Variants in NKAIN2 observed in about 807,000 individuals in gnomAD.
NKAIN2 encodes sodium/potassium transporting ATPase interacting 2.
In NKAIN2, 14 loss-of-function variants were observed where a neutral mutation model predicts 32.6. That is an observed-to-expected ratio of 0.43 (90% CI 0.28 to 0.67). The LOEUF (loss-of-function observed/expected upper bound fraction) is 0.67. Among genes scored for constraint, NKAIN2 ranks in the 30% least tolerant of loss-of-function variants. The pLI is 0.17. For synonymous variants in NKAIN2, 80 were observed against 87.2 expected (o/e 0.92, Z 0.46); for missense variants, 198 against 258.3 (o/e 0.77, Z 1.60).
intron 1 of NKAIN2, among the ~76,000 whole-genome samples, chr6:123,859,179 A>T (rs1303600148): frequency 6.6e-6 from 1 of 152,246 alleles, no homozygotes; most frequent in Non-Finnish European, 1.5e-5. Context: ...AATCACAAAT[A>T]GAAGCTATTC....
At chr6:123,894,329 G>A (rs1774169292) in intron 1 of NKAIN2, among the ~76,000 whole-genome samples, 1 of 152,098 alleles carries the variant, frequency 6.6e-6, no homozygotes, top group Admixed American at 6.5e-5. Context: ...TCAGATCCTA[G>A]CCTTCTGAAT....
At chr6:124,482,075 CA>C (rs1262221240) in intron 3 of NKAIN2, among the ~76,000 whole-genome samples, 1 of 152,072 alleles carries the variant, frequency 6.6e-6, no homozygotes. Flanking sequence ...TTTAAACCCT[CA>C]AAAATTTATC....
chr6:123,958,778 C>T (rs1320769059), intron 1 of NKAIN2, among the ~76,000 whole-genome samples: 1 of 152,218 alleles, frequency 6.6e-6, no homozygotes, highest in African/African-American at 2.4e-5. Flanking sequence ...ATCGCTACGT[C>T]AACCTCAGAG....
intron 1 of NKAIN2, among the ~76,000 whole-genome samples, chr6:123,902,535 A>T (rs1299310411): frequency 3.3e-5 from 5 of 152,144 alleles, no homozygotes; most frequent in Non-Finnish European, 7.4e-5. Flanking sequence ...TAATATTGTT[A>T]TTGAAACACC....
chr6:124,063,323 A>G (rs1783009203), intron 1 of NKAIN2, among the ~76,000 whole-genome samples: 1 of 152,200 alleles, frequency 6.6e-6, no homozygotes, highest in South Asian at 2.1e-4. Flanking sequence ...AGTAGTAATC[A>G]AAGTACTATG....
chr6:123,819,091 G>GAGAAGAGGAAAGTGGGTTAACTC (rs1562198432), intron 1 of NKAIN2, among the ~76,000 whole-genome samples: 3 of 152,160 alleles, frequency 2.0e-5, no homozygotes, highest in Non-Finnish European at 4.4e-5. Flanking sequence ...GGCTATATGT[G>GAGAAGAGGAAAGTGGGTTAACTC]AGAAGAGGAA....
At chr6:124,454,022 C>T (rs995506853) in intron 3 of NKAIN2, among the ~76,000 whole-genome samples, 3 of 148,668 alleles carry the variant, frequency 2.0e-5, no homozygotes, top group African/African-American at 7.5e-5. Flanking sequence ...AGCTATGACA[C>T]AGATTGTTCC....
rs1366926631 is a variant in NKAIN2, at chr6:124,574,326, A to T, written c.274-83860A>T. 2.0e-5 allele frequency among the ~76,000 whole-genome samples: 3 copies of T among 146,386 alleles called. No individual in the cohort carries two copies. The Admixed American group carries it at 2.0e-4, about 10-fold the overall frequency. ...AACAGAAAAAGTTAAAAAAAAAAAAATACCAGTGAGGTTGGGCACAGTGGC... is the reference window on the plus strand; with the variant it reads ...AACAGAAAAAGTTAAAAAAAAAAAATTACCAGTGAGGTTGGGCACAGTGGC... On this transcript the variant is annotated intron_variant, in intron 3 of 6. Coordinates refer to ENST00000368417, the MANE Select transcript of NKAIN2 (RefSeq NM_001040214.3).
intron 1 of NKAIN2, among the ~76,000 whole-genome samples, chr6:123,839,734 C>G (rs1774789509): frequency 6.6e-6 from 1 of 152,044 alleles, no homozygotes; most frequent in Admixed American, 6.6e-5. Context: ...ATGTTATTTC[C>G]AGTCTCCTTT....
chr6:123,868,807 G>A (rs1034481358), intron 1 of NKAIN2, among the ~76,000 whole-genome samples: 6 of 152,084 alleles, frequency 3.9e-5, no homozygotes, highest in African/African-American at 1.4e-4. Context: ...CTTGTACTCA[G>A]AACTCTGCAT....
chr6:124,451,268 A>G (rs966279406), intron 3 of NKAIN2, among the ~76,000 whole-genome samples: 5 of 152,198 alleles, frequency 3.3e-5, no homozygotes, highest in African/African-American at 1.2e-4. Context: ...AACATACCAC[A>G]GCAGATTTTT....
intron 1 of NKAIN2, among the ~76,000 whole-genome samples, chr6:123,965,921 A>C (rs1298905729): frequency 2.0e-5 from 3 of 152,162 alleles, no homozygotes; most frequent in Non-Finnish European, 4.4e-5. Flanking sequence ...TAAATGCTTA[A>C]AATGTTAGCA....
chr6:123,809,654 G>C (rs1379249571), intron 1 of NKAIN2, among the ~76,000 whole-genome samples: 1 of 152,038 alleles, frequency 6.6e-6, no homozygotes, highest in Non-Finnish European at 1.5e-5. Context: ...GTTGTGTTTA[G>C]ATATAAAATG....
At chr6:124,032,556 T>G (rs1781451471) in intron 1 of NKAIN2, among the ~76,000 whole-genome samples, 1 of 152,096 alleles carries the variant, frequency 6.6e-6, no homozygotes, top group Non-Finnish European at 1.5e-5. Flanking sequence ...TTTACCATTA[T>G]TTGATAAAGG....
At position 124,093,288 on chromosome 6, in the gene NKAIN2, A is replaced by G. The variant is rs540225310; in HGVS notation, c.55-189717A>G. Among the ~76,000 whole-genome samples the G allele has an allele frequency of 6.6e-5, 10 of 152,206 alleles. No homozygotes were observed. The South Asian group carries it at 2.1e-3, about 32-fold the overall frequency. ...TTACGGAGAATCAGTTTATTGTTGT[A>G]ATCATGCTGCCAAGATAATTGGGGT... On this transcript the variant is annotated intron_variant, in intron 1 of 6. Transcript: ENST00000368417.
intron 3 of NKAIN2, among the ~76,000 whole-genome samples, chr6:124,586,637 T>G (rs1345411057): frequency 6.6e-6 from 1 of 151,556 alleles, no homozygotes; most frequent in East Asian, 1.9e-4. Context: ...GAGAGTTTCT[T>G]AAAAAAAAGT....
At chr6:123,866,556 G>T (rs562228557) in intron 1 of NKAIN2, among the ~76,000 whole-genome samples, 2 of 151,934 alleles carry the variant, frequency 1.3e-5, no homozygotes, top group African/African-American at 2.4e-5. Flanking sequence ...TCAGCCTCCC[G>T]AGTAGCTGGG....
At chr6:124,712,136 C>T (rs1775510088) in intron 4 of NKAIN2, among the ~76,000 whole-genome samples, 1 of 151,478 alleles carries the variant, frequency 6.6e-6, no homozygotes, top group South Asian at 2.1e-4. Flanking sequence ...GCTCGGGGGT[C>T]GGGCGTCAGG....
intron 1 of NKAIN2, among the ~76,000 whole-genome samples, chr6:124,158,453 A>T (rs1435139896): frequency 6.6e-6 from 1 of 152,204 alleles, no homozygotes; most frequent in Non-Finnish European, 1.5e-5. Flanking sequence ...AACGAAGCAA[A>T]TTAAAAGTAT....
Sources: allele counts gnomAD v4.1 joint callset (sites outside exome capture counted in the v4.1 genomes callset), GRCh38; gene constraint gnomAD v4.1.1; transcripts MANE v1.5; gene names NCBI Gene and HGNC (gene_info 2026-07-23, HGNC 2026-07-21).